The following RASGEF1A variants were observed in gnomAD, a reference collection of about 807,000 sequenced individuals.
The protein encoded by RASGEF1A is ras-GEF domain-containing family member 1A.
A neutral mutation model predicts 56.4 loss-of-function variants in RASGEF1A; 18 were observed. The observed-to-expected ratio is 0.32, with a 90% confidence interval of 0.22 to 0.47. The LOEUF (loss-of-function observed/expected upper bound fraction) is 0.47. Ranked by LOEUF, RASGEF1A falls within the 20% of genes least tolerant of loss-of-function variation. The probability of loss-of-function intolerance (pLI) is 1.00; values close to 1 mark genes in which losing one functional copy is unlikely to be tolerated. For synonymous variants in RASGEF1A, 245 were observed against 242.6 expected (o/e 1.01, Z -0.09); for missense variants, 422 against 627.1 (o/e 0.67, Z 3.49).
chr10:43,209,478 G>T (rs1840037463), intron 1 of RASGEF1A, among the ~76,000 whole-genome samples: 1 of 152,166 alleles, frequency 6.6e-6, no homozygotes. Context: ...CTGTAAAATG[G>T]GCACAGGGAG....
chr10:43,254,644 C>A (rs983044461), intron 1 of RASGEF1A, among the ~76,000 whole-genome samples: 2 of 152,126 alleles, frequency 1.3e-5, no homozygotes, highest in African/African-American at 4.8e-5. Context: ...TGGGTGGGGG[C>A]TAGGTGGGGG....
chr10:43,208,671 G>A (rs1043313071), intron 1 of RASGEF1A: 3 of 985,512 alleles, frequency 3.0e-6, no homozygotes, highest in Non-Finnish European at 3.6e-6. Flanking sequence ...GACCCACCTG[G>A]GGACACGGCC....
At chr10:43,224,286 T>C (rs1430689466) in intron 1 of RASGEF1A, among the ~76,000 whole-genome samples, 1 of 149,954 alleles carries the variant, frequency 6.7e-6, no homozygotes, top group African/African-American at 2.5e-5. Context: ...TTTATAAATG[T>C]GACAAATATG....
At chr10:43,217,199 C>A (rs1840148370) in intron 1 of RASGEF1A, among the ~76,000 whole-genome samples, 1 of 152,174 alleles carries the variant, frequency 6.6e-6, no homozygotes, top group African/African-American at 2.4e-5. Flanking sequence ...TGCTGGGACC[C>A]GACCCTGAGG....
chr10:43,197,016 A>G lies in RASGEF1A; in HGVS notation c.1308T>C (p.Ile436=). 6.2e-7 allele frequency: 1 copy of G among 1,614,028 alleles called. No homozygotes were observed. Among genetic ancestry groups the G allele is most frequent in the South Asian group, 1.1e-5 (1 of 91,088 alleles). ...TGGGCGCCGTGAGCAGGTAACTCTG[A>G]ATCTTCTTGTCCTTCTCGAAAGGAC... The part of the protein sequence containing the change: ...VECPFEKDKK[I]QSYLLTAPIY... Residue 436 remains isoleucine (I), a synonymous_variant, in exon 11 of 13, where the codon ATT becomes ATC. Coordinates refer to ENST00000395810, the MANE Select transcript of RASGEF1A (RefSeq NM_145313.4).
At chr10:43,200,349 C>T (rs1035024336) in intron 5 of RASGEF1A, 93 bp from the exon 6 acceptor site, 12 of 1,136,544 alleles carry the variant, frequency 1.1e-5, no homozygotes, top group African/African-American at 1.5e-5. Context: ...GGAGGAGCTG[C>T]CCAGGGCACA....
chr10:43,235,494 G>A (rs1305500206), intron 1 of RASGEF1A, among the ~76,000 whole-genome samples: 1 of 152,210 alleles, frequency 6.6e-6, no homozygotes, highest in Non-Finnish European at 1.5e-5. Flanking sequence ...GCAGTGTGGG[G>A]AAGGCAGGAA....
intron 1 of RASGEF1A, among the ~76,000 whole-genome samples, chr10:43,258,525 G>C (rs1836466606): frequency 6.6e-6 from 1 of 152,218 alleles, no homozygotes; most frequent in Admixed American, 6.5e-5. Context: ...CATTTCCTTG[G>C]GGCAAAGCTG....
At chr10:43,201,471 T>G (rs1268146958) in intron 4 of RASGEF1A, among the ~76,000 whole-genome samples, 1 of 152,176 alleles carries the variant, frequency 6.6e-6, no homozygotes, top group Non-Finnish European at 1.5e-5. Context: ...CTCCTCTCAC[T>G]AATCCAAGAC....
rs1409877049 is a variant in RASGEF1A at position 43,198,154 on chromosome 10, T to C, written c.1074A>G (p.Thr358=). 1.2e-6 allele frequency: 2 copies of C among 1,613,532 alleles called. No homozygotes were observed. The highest frequency in any genetic ancestry group is 2.7e-5 in the African/African-American group (2 of 74,934). The part of the protein sequence containing the change: ...DPSSNFCNYR[T]ALQGATQRSQ... ...ACCTCTGCGTGGCCCCCTGCAGGGC[T>C]GTACGGTAGTTGCAGAAGTTGCTGG... is the stretch of plus-strand genomic sequence containing the variant. The change falls in exon 10 of 13, where the codon ACA becomes ACG. Residue 358 remains threonine (T), a synonymous_variant. Transcript: ENST00000395810.
rs759939307 is a variant in RASGEF1A at position 43,198,913 on chromosome 10, G to A, written c.1032+20C>T. On this transcript the variant is annotated intron_variant, in intron 9 of 12. Coordinates refer to ENST00000395810, the MANE Select transcript of RASGEF1A (RefSeq NM_145313.4). ...CGAAATGGGTGCAGCTCGCAGCTGTGACGGGGCTCAGGTGCCTACCTCCAA... is the reference window on the plus strand; with the variant it reads ...CGAAATGGGTGCAGCTCGCAGCTGTAACGGGGCTCAGGTGCCTACCTCCAA... The A allele has an allele frequency of 6.4e-7, 1 of 1,566,002 alleles. No individual in the cohort carries two copies.
intron 1 of RASGEF1A, chr10:43,229,502 G>T: frequency 1.6e-6 from 1 of 643,666 alleles, no homozygotes; most frequent in Non-Finnish European, 2.4e-6. Context: ...GACGCACAGA[G>T]GGCGGCGCGC....
chr10:43,243,491 T>G (rs1564541269), intron 1 of RASGEF1A, among the ~76,000 whole-genome samples: 1 of 135,228 alleles, frequency 7.4e-6, no homozygotes, highest in Non-Finnish European at 1.6e-5. Flanking sequence ...CGCCACCCCA[T>G]CTGGGAAGTG....
chr10:43,261,144 T>C (rs1588954524), intron 1 of RASGEF1A, among the ~76,000 whole-genome samples: 5 of 152,094 alleles, frequency 3.3e-5, no homozygotes, highest in Admixed American at 3.3e-4. Flanking sequence ...CTGGCTGCCG[T>C]GGCCTTTCCA....
At chr10:43,254,063 G>A (rs570240952) in intron 1 of RASGEF1A, among the ~76,000 whole-genome samples, 4 of 152,184 alleles carry the variant, frequency 2.6e-5, no homozygotes, top group Non-Finnish European at 4.4e-5. Context: ...GAGGGCAGAC[G>A]GAGACTCACA....
chr10:43,225,983 G>A (rs1262150654), intron 1 of RASGEF1A, among the ~76,000 whole-genome samples: 1 of 152,098 alleles, frequency 6.6e-6, no homozygotes, highest in African/African-American at 2.4e-5. Context: ...AATGCCAGGG[G>A]CTGGGTCCCA....
At chr10:43,198,260 C>A in intron 9 of RASGEF1A, 65 bp from the exon 10 acceptor site, 20 of 1,402,444 alleles carry the variant, frequency 1.4e-5, no homozygotes, top group Non-Finnish European at 1.9e-5. Flanking sequence ...GCTCCAGATG[C>A]CCCTCTGCAG....
intron 1 of RASGEF1A, among the ~76,000 whole-genome samples, chr10:43,226,222 A>T (rs1472067102): frequency 6.6e-6 from 1 of 152,220 alleles, no homozygotes; most frequent in East Asian, 1.9e-4. Context: ...CGGGCAGATC[A>T]TCTGAGGTCA....
At chr10:43,250,620 G>C (rs1209968801) in intron 1 of RASGEF1A, among the ~76,000 whole-genome samples, 1 of 151,338 alleles carries the variant, frequency 6.6e-6, no homozygotes, top group Non-Finnish European at 1.5e-5. Flanking sequence ...GAAGCCCCAA[G>C]TGTGGGGTGT....
Sources: allele counts gnomAD v4.1 joint callset (sites outside exome capture counted in the v4.1 genomes callset), GRCh38; gene constraint gnomAD v4.1.1; transcripts MANE v1.5; gene names NCBI Gene and HGNC (gene_info 2026-07-23, HGNC 2026-07-21).